The following PPP1R9A variants were observed in gnomAD, a reference collection of about 807,000 sequenced individuals.
PPP1R9A encodes the protein protein phosphatase 1 regulatory subunit 9A, also known as neurabin-1.
A neutral mutation model predicts 141.9 loss-of-function variants in PPP1R9A; 59 were observed. The ratio of observed to expected loss-of-function variants is 0.42; its 90% CI spans 0.34 to 0.52. PPP1R9A has a LOEUF of 0.52. Among genes scored for constraint, PPP1R9A ranks in the 20% least tolerant of loss-of-function variants. PPP1R9A has a pLI of 0.10. For synonymous variants in PPP1R9A, 500 were observed against 569.7 expected, an observed-to-expected ratio of 0.88 and a Z score of 1.74; for missense variants, 1,444 against 1,611.9, an observed-to-expected ratio of 0.90 and a Z score of 1.78.
intron 2 of PPP1R9A, among the ~76,000 whole-genome samples, chr7:95,082,063 C>G (rs1815928980): frequency 1.3e-5 from 2 of 152,136 alleles, no homozygotes; most frequent in African/African-American, 4.8e-5. Context: ...CTGGATAACC[C>G]CACTCACAAA....
At chr7:95,279,350 T>G (rs892072505) in intron 16 of PPP1R9A, among the ~76,000 whole-genome samples, 5 of 152,142 alleles carry the variant, frequency 3.3e-5, no homozygotes, top group Non-Finnish European at 5.9e-5. Flanking sequence ...TTTAGAAGAA[T>G]TGATGGAGAT....
intron 7 of PPP1R9A, among the ~76,000 whole-genome samples, chr7:95,206,220 A>T (rs1225645277): frequency 6.6e-6 from 1 of 152,218 alleles, no homozygotes. Flanking sequence ...TCCATTTGCA[A>T]TAAAAACTGA....
chr7:95,219,981 T>A (rs926646400), intron 7 of PPP1R9A, among the ~76,000 whole-genome samples: 1 of 152,230 alleles, frequency 6.6e-6, no homozygotes, highest in East Asian at 1.9e-4. Context: ...GTTAGCATAT[T>A]CTAGGCACTG....
chr7:94,960,125 G>T (rs917759909), intron 2 of PPP1R9A, among the ~76,000 whole-genome samples: 1 of 149,238 alleles, frequency 6.7e-6, no homozygotes, highest in East Asian at 1.9e-4. Context: ...TTTTCACCAA[G>T]CTTTAAAGAT....
intron 2 of PPP1R9A, among the ~76,000 whole-genome samples, chr7:95,078,667 C>T (rs113892046): frequency 0.058 from 8,778 of 152,032 alleles, 306 homozygotes; most frequent in African/African-American, 0.091. Context: ...TTAATGATTG[C>T]CATTCTAACT....
In PPP1R9A at chr7:95,199,592, G is replaced by T. The variant is rs148770969; in HGVS notation, c.1890+1108G>T. ...CCACTTATAGCAGAAAATTAGAGGT[G>T]GTATATCCGTTAACTTTTGATCAAA... On this transcript the variant is annotated intron_variant, in intron 6 of 19. Coordinates refer to ENST00000433360, the MANE Select transcript of PPP1R9A (RefSeq NM_001166160.2). Among the ~76,000 whole-genome samples, 648 of 152,084 alleles carry T rather than the reference G, an allele frequency of 4.3e-3. 4 individuals are homozygous for T. The highest frequency in any genetic ancestry group is 0.014 in the African/African-American group (585 of 41,500).
In PPP1R9A at chr7:95,121,334, A is replaced by C. The variant is rs547605049; in HGVS notation, c.1649+502A>C. ...GGTGCACCTAAACCTGTAGAATTAA[A>C]ATCTCCAGTAGAGGGGTCTGGCAGT... On this transcript the variant is annotated intron_variant, in intron 4 of 19. Coordinates refer to ENST00000433360, the MANE Select transcript of PPP1R9A (RefSeq NM_001166160.2). 4.6e-5 allele frequency among the ~76,000 whole-genome samples: 7 copies of C among 152,298 alleles called. No homozygotes were observed. In the South Asian group the frequency reaches 1.5e-3, roughly 32 times the overall value.
At chr7:95,268,857 T>C in intron 13 of PPP1R9A, 150 bp downstream of exon 13, 3 of 931,658 alleles carry the variant, frequency 3.2e-6, no homozygotes, top group East Asian at 5.5e-5. Flanking sequence ...TCCTGAATTC[T>C]TTATATTGTT....
At chr7:95,119,979 TG>T (rs1278016908) in intron 3 of PPP1R9A, among the ~76,000 whole-genome samples, 1,299 of 128,840 alleles carry the variant, frequency 0.01, 24 homozygotes, top group African/African-American at 0.035. Context: ...TTTTTTGAGA[TG>T]GAGTCTCGCT....
chr7:95,287,040 A>G (rs1585648143), intron 18 of PPP1R9A: 3 of 1,477,106 alleles, frequency 2.0e-6, no homozygotes, highest in Non-Finnish European at 2.8e-6. Flanking sequence ...AAAATTATGT[A>G]CTATATATGT....
In PPP1R9A at chr7:94,911,274, AAAT is replaced by A; in HGVS notation, c.1165_1167del (p.Asn389del). 1 of 1,614,154 alleles carries A rather than the reference AAAT, an allele frequency of 6.2e-7. No homozygotes were observed. The highest frequency in any genetic ancestry group is 8.5e-7 in the Non-Finnish European group (1 of 1,180,020). On this transcript the variant is annotated inframe_deletion, in exon 2 of 20. Coordinates refer to ENST00000433360, the MANE Select transcript of PPP1R9A (RefSeq NM_001166160.2). ...GTGGAAAAGAAGTACCTGAAGATTC[AAAT>A]AATTTTGATGGTTCCCATGTGTACA...
chr7:95,251,632 T>G, intron 10 of PPP1R9A, 130 bp from the exon 11 acceptor site: 1 of 819,832 alleles, frequency 1.2e-6, no homozygotes, highest in East Asian at 2.8e-5. Flanking sequence ...CTTTTTCCTC[T>G]AACTGATTGA....
At chr7:94,915,047 G>C (rs1324468733) in intron 2 of PPP1R9A, among the ~76,000 whole-genome samples, 2 of 151,936 alleles carry the variant, frequency 1.3e-5, no homozygotes, top group South Asian at 2.1e-4. Context: ...TGTTATTCTT[G>C]AAACAGCATA....
At position 95,003,206 on chromosome 7, in the gene PPP1R9A, G is replaced by A. The variant is rs193077027; in HGVS notation, c.1395+91698G>A. Among the ~76,000 whole-genome samples the A allele has an allele frequency of 5.2e-4, 79 of 152,052 alleles. 2 individuals carry two copies. The highest frequency in any genetic ancestry group is 8.2e-4 in the Non-Finnish European group (56 of 67,976). On this transcript the variant is annotated intron_variant, in intron 2 of 19. Coordinates refer to ENST00000433360, the MANE Select transcript of PPP1R9A (RefSeq NM_001166160.2). ...TTCTTAGTTGCTAAAGAAAACAGTCGTCTCCTGTTTTCAGTCATCAGATTC... is the reference window on the plus strand; with the variant it reads ...TTCTTAGTTGCTAAAGAAAACAGTCATCTCCTGTTTTCAGTCATCAGATTC...
intron 2 of PPP1R9A, among the ~76,000 whole-genome samples, chr7:95,064,937 G>A (rs929616691): frequency 6.6e-6 from 1 of 152,052 alleles, no homozygotes; most frequent in Admixed American, 6.6e-5. Context: ...TAGTACTTCA[G>A]GTACATAATT....
intron 2 of PPP1R9A, among the ~76,000 whole-genome samples, chr7:94,978,199 C>T (rs1465783235): frequency 6.6e-6 from 1 of 152,110 alleles, no homozygotes; most frequent in Non-Finnish European, 1.5e-5. Context: ...TCTCCTAGGC[C>T]ATAAAGTGAT....
intron 2 of PPP1R9A, among the ~76,000 whole-genome samples, chr7:94,994,179 C>A (rs942421124): frequency 6.6e-6 from 1 of 151,802 alleles, no homozygotes. Flanking sequence ...TATGATTGGA[C>A]TGAAAAGATA....
intron 3 of PPP1R9A, among the ~76,000 whole-genome samples, chr7:95,117,238 G>A (rs1381981319): frequency 6.6e-6 from 1 of 151,806 alleles, no homozygotes; most frequent in African/African-American, 2.4e-5. Context: ...CTGTCCCTAG[G>A]AATGTATGGA....
At position 95,113,211 on chromosome 7, in the gene PPP1R9A, G is replaced by A. The variant is rs78451757; in HGVS notation, c.1528+1820G>A. The stretch of plus-strand genomic sequence containing the variant: ...TTAAGTTGGCGATCTAGAAGATGAC[G>A]TTTGAGAGATATTCCAAAAAGAATT... On this transcript the variant is annotated intron_variant, in intron 3 of 19. Coordinates refer to ENST00000433360, the MANE Select transcript of PPP1R9A (RefSeq NM_001166160.2). 2.2e-3 allele frequency among the ~76,000 whole-genome samples: 330 copies of A among 151,440 alleles called. 4 individuals carry two copies. Among genetic ancestry groups the A allele is most frequent in the South Asian group, 0.021 (97 of 4,650 alleles).
Sources: allele counts gnomAD v4.1 joint callset (sites outside exome capture counted in the v4.1 genomes callset), GRCh38; gene constraint gnomAD v4.1.1; transcripts MANE v1.5; gene names NCBI Gene and HGNC (gene_info 2026-07-23, HGNC 2026-07-21).